Variants in CRYAB observed in about 807,000 individuals in gnomAD.
CRYAB encodes alpha-crystallin B chain.
In CRYAB, 9 loss-of-function variants were observed where a neutral mutation model predicts 12.7. The ratio of observed to expected loss-of-function variants is 0.71; its 90% confidence interval spans 0.43 to 1.24. The LOEUF is 1.24. CRYAB is among the 50% of genes most tolerant of loss of function. The pLI, the probability that CRYAB is intolerant of heterozygous loss-of-function variation, is 0.00. For missense variants in CRYAB, 183 were observed against 226.6 expected (o/e 0.81, Z 1.24); for synonymous variants, 93 against 86.8 (o/e 1.07, Z -0.40).
At chr11:111,920,533 G>A (rs1218735694) in intron 1 of CRYAB, among the ~76,000 whole-genome samples, 5 of 151,432 alleles carry the variant, frequency 3.3e-5, no homozygotes, top group Non-Finnish European at 7.4e-5. Flanking sequence ...GCGAGACTAT[G>A]TCTTGAAAAA....
At chr11:111,919,333 C>A in intron 1 of CRYAB, 1 of 270,014 alleles carries the variant, frequency 3.7e-6, no homozygotes, top group Non-Finnish European at 7.4e-6. Context: ...ATTAGCTGGG[C>A]ATGGTGGCGC....
rs1256600488 is a variant in CRYAB at position 111,910,376 on chromosome 11, T to C, written c.275A>G (p.Lys92Arg). 5.0e-6 allele frequency: 8 copies of C among 1,614,102 alleles called. No homozygotes were observed. In the African/African-American group the frequency reaches 9.3e-5, roughly 19 times the overall value. ...KHFSPEELKV[K>R]VLGDVIEVHG... ...CACCTCAATCACATCTCCCAACACC[T>C]TAACTTTGAGTTCCTCTGGGGAGAA... The change falls in exon 2 of 3, where the codon AAG (lysine) becomes AGG (arginine). Residue 92 changes from lysine to arginine, a missense_variant. By Grantham distance (26) the Lys-to-Arg change is conservative. Around this residue, in one of 3 missense-constraint regions of CRYAB, gnomAD observed 95 missense variants for 112.5 expected, o/e 0.84. Transcript: ENST00000650687.
chr11:111,911,625 C>T lies in CRYAB; in HGVS notation c.100G>A (p.Glu34Lys). ...FDQFFGEHLL[E>K]SDLFPTSTSL... ...GTAGACGTCGGGAAAAGATCAGACT[C>T]CAACAGGTGCTCTCCGAAGAACTGG... Residue 34 changes from glutamate (E) to lysine (K), a missense_variant, in exon 1 of 3, where the codon GAG becomes AAG. Coordinates refer to ENST00000650687, the MANE Select transcript of CRYAB (RefSeq NM_001289808.2). The T allele has an allele frequency of 2.5e-6, 4 of 1,612,548 alleles. No homozygotes were observed. The highest frequency in any genetic ancestry group is 3.4e-6 in the Non-Finnish European group (4 of 1,179,462).
At chr11:111,909,380 TA>T (rs57155014) in intron 2 of CRYAB, 135,599 of 316,058 alleles carry the variant, frequency 0.43, 13,625 homozygotes, top group African/African-American at 0.56. Flanking sequence ...CTGCTGAAAT[TA>T]AAAAAAAAAA....
chr11:111,922,493 A>G (rs587672107), intron 1 of CRYAB, among the ~76,000 whole-genome samples: 2 of 152,348 alleles, frequency 1.3e-5, no homozygotes, highest in South Asian at 4.1e-4. Flanking sequence ...AAGCACCATA[A>G]ATAAAGCACC....
At chr11:111,918,747 G>C (rs1314985018) in intron 1 of CRYAB, 8 of 682,788 alleles carry the variant, frequency 1.2e-5, no homozygotes, top group Non-Finnish European at 2.2e-5. Context: ...TCCTGAAGTT[G>C]AGATAGCTCT....
At chr11:111,912,678 C>G (rs1965502372), upstream of CRYAB, 2 of 515,568 alleles carry the variant, frequency 3.9e-6, no homozygotes, top group African/African-American at 4.2e-5. Context: ...CACTCCCAGC[C>G]CCTCCCCCCC....
upstream of CRYAB, among the ~76,000 whole-genome samples, chr11:111,917,338 A>G (rs1178003744): frequency 6.6e-6 from 1 of 152,194 alleles, no homozygotes; most frequent in African/African-American, 2.4e-5. Flanking sequence ...CAAGATGAAA[A>G]GGATACAGTT....
chr11:111,918,892 G>C (rs1460496373), intron 1 of CRYAB: 1 of 1,558,350 alleles, frequency 6.4e-7, no homozygotes, highest in Admixed American at 1.7e-5. Flanking sequence ...GAGCTGCCGC[G>C]GAAAGCTCAA....
chr11:111,919,533 G>A (rs1965655192), intron 1 of CRYAB, among the ~76,000 whole-genome samples: 1 of 152,150 alleles, frequency 6.6e-6, no homozygotes, highest in Non-Finnish European at 1.5e-5. Context: ...CCAGAGCAGG[G>A]CAGGAATATT....
At position 111,911,431 on chromosome 11, in the gene CRYAB, A is replaced by G. The variant is rs1275010034; in HGVS notation, c.201+93T>C. On this transcript the variant is annotated intron_variant, in intron 1 of 2. Transcript: ENST00000650687. ...ACATTTGGACACACATGTGCCTAAA[A>G]TGGTTTAGGCAGGGTAGGAAAGGAA... 4.6e-6 allele frequency: 6 copies of G among 1,305,034 alleles called. No homozygotes were observed. In the Admixed American group the frequency reaches 9.9e-5, roughly 22 times the overall value. The allele number at this position is 1,305,034 out of a possible 1,614,324, so 80.8% of individuals were successfully genotyped here.
chr11:111,922,129 G>A (rs1175524616), intron 1 of CRYAB, among the ~76,000 whole-genome samples: 1 of 152,176 alleles, frequency 6.6e-6, no homozygotes, highest in African/African-American at 2.4e-5. Flanking sequence ...ACCGCACCTG[G>A]CCTATCATAC....
At chr11:111,914,684 C>G (rs970665531), upstream of CRYAB, among the ~76,000 whole-genome samples, 6 of 152,292 alleles carry the variant, frequency 3.9e-5, no homozygotes, top group Middle Eastern at 3.4e-3. Flanking sequence ...AGAGAACATC[C>G]AGCTACATGA....
upstream of CRYAB, chr11:111,913,464 A>AC (rs1965535470): frequency 1.9e-6 from 3 of 1,609,776 alleles, no homozygotes; most frequent in African/African-American, 1.3e-5. Context: ...AGAGATCCTG[A>AC]CCCCCACACT....
At chr11:111,914,686 G>C (rs1965569970), upstream of CRYAB, among the ~76,000 whole-genome samples, 1 of 152,138 alleles carries the variant, frequency 6.6e-6, no homozygotes, top group African/African-American at 2.4e-5. Flanking sequence ...AGAACATCCA[G>C]CTACATGATT....
At chr11:111,912,915 T>C, upstream of CRYAB, 3 of 1,604,124 alleles carry the variant, frequency 1.9e-6, no homozygotes, top group Non-Finnish European at 2.5e-6. Context: ...GAGCAGCGCT[T>C]CGGAGAAGGT....
chr11:111,918,532 C>T, intron 1 of CRYAB: 1 of 461,846 alleles, frequency 2.2e-6, no homozygotes, highest in Admixed American at 3.5e-5. Flanking sequence ...CCAATTGCCT[C>T]GAAAGTGAAA....
upstream of CRYAB, chr11:111,913,379 T>C: frequency 7.6e-7 from 1 of 1,311,604 alleles, no homozygotes; most frequent in Non-Finnish European, 1.1e-6. Flanking sequence ...GATTTCCCAT[T>C]TCGCCCCTGT....
chr11:111,920,997 A>T (rs1237796294), intron 1 of CRYAB, among the ~76,000 whole-genome samples: 1 of 152,116 alleles, frequency 6.6e-6, no homozygotes, highest in Non-Finnish European at 1.5e-5. Flanking sequence ...ATAATAAATT[A>T]TCTGTGGGGT....
Sources: allele counts gnomAD v4.1 joint callset (sites outside exome capture counted in the v4.1 genomes callset), GRCh38; gene constraint gnomAD v4.1.1; regional missense constraint gnomAD v4.1.1; transcripts MANE v1.5; gene names NCBI Gene and HGNC (gene_info 2026-07-23, HGNC 2026-07-21).